Variants in PHF20 observed in about 807,000 individuals in gnomAD.
The protein encoded by PHF20 is glioma-expressed antigen 2.
A neutral mutation model predicts 113.5 loss-of-function variants in PHF20; 23 were observed. The ratio of observed to expected loss-of-function variants is 0.20; its 90% CI spans 0.15 to 0.29. The LOEUF (loss-of-function observed/expected upper bound fraction) is 0.29. PHF20 is among the 10% of genes least tolerant of loss of function. The pLI, the probability that PHF20 is intolerant of heterozygous loss-of-function variation, is 1.00. For missense variants in PHF20, 943 were observed against 1,219.6 expected, an observed-to-expected ratio of 0.77 and a Z score of 3.38; for synonymous variants, 434 against 457.3, an observed-to-expected ratio of 0.95 and a Z score of 0.65.
chr20:35,803,891 A>G (rs183880642), intron 2 of PHF20, among the ~76,000 whole-genome samples: 9 of 150,750 alleles, frequency 6.0e-5, no homozygotes, highest in African/African-American at 1.7e-4. Flanking sequence ...GTCTTACTCT[A>G]TTGCTCAGGC....
rs566757510 is a variant in PHF20 at position 35,824,150 on chromosome 20, CAG to C, written c.84-18420_84-18419del. Among the ~76,000 whole-genome samples, 5 of 152,232 alleles carry C rather than the reference CAG, an allele frequency of 3.3e-5. No individual in the cohort carries two copies. In the South Asian group the frequency reaches 1.0e-3, roughly 32 times the overall value. On this transcript the variant is annotated intron_variant, in intron 2 of 17. Coordinates refer to ENST00000374012, the MANE Select transcript of PHF20 (RefSeq NM_016436.5). The stretch of plus-strand genomic sequence containing the variant: ...CAGGTGAGAAACCGCCAAACTTTTT[CAG>C]AGTCTCTGTACCATTTTGCATTTCC...
chr20:35,815,675 C>T (rs1285484509), intron 2 of PHF20, among the ~76,000 whole-genome samples: 3 of 151,880 alleles, frequency 2.0e-5, no homozygotes, highest in Non-Finnish European at 2.9e-5. Flanking sequence ...CTGTGTTAGC[C>T]AGGATGGTCT....
chr20:35,788,062 G>A lies in PHF20; in HGVS notation c.-32-13429G>A, dbSNP rs371038499. ...CAAAGTGCTGGGATTACAGGTGTGAGCTACCTAGCGCAGCTCTATATTTTT... is the reference window on the plus strand; with the variant it reads ...CAAAGTGCTGGGATTACAGGTGTGAACTACCTAGCGCAGCTCTATATTTTT... On this transcript the variant is annotated intron_variant, in intron 1 of 17. Coordinates refer to ENST00000374012, the MANE Select transcript of PHF20 (RefSeq NM_016436.5). 1.7e-4 allele frequency among the ~76,000 whole-genome samples: 26 copies of A among 152,216 alleles called. No homozygotes were observed. The East Asian group carries it at 4.1e-3, about 24-fold the overall frequency.
intron 9 of PHF20, among the ~76,000 whole-genome samples, chr20:35,879,390 GTTATA>G (rs1417818480): frequency 6.6e-6 from 1 of 152,106 alleles, no homozygotes; most frequent in Non-Finnish European, 1.5e-5. Flanking sequence ...TTTTGCTGTT[GTTATA>G]TTAGAATAAT....
At chr20:35,807,004 C>T (rs1442413190) in intron 2 of PHF20, among the ~76,000 whole-genome samples, 1 of 151,836 alleles carries the variant, frequency 6.6e-6, no homozygotes, top group African/African-American at 2.4e-5. Flanking sequence ...ACTGTGTTAG[C>T]CAGGATGGTC....
At chr20:35,911,563 G>A (rs966788664) in intron 10 of PHF20, among the ~76,000 whole-genome samples, 5 of 151,352 alleles carry the variant, frequency 3.3e-5, no homozygotes, top group East Asian at 2.0e-4. Context: ...ATATATGTAC[G>A]TATAAACTCT....
At chr20:35,869,603 A>T in intron 7 of PHF20, 52 bp downstream of exon 7, 2 of 923,668 alleles carry the variant, frequency 2.2e-6, no homozygotes, top group Non-Finnish European at 3.6e-6. Flanking sequence ...TGTTTGGGTC[A>T]ACTTCCTCTA....
chr20:35,882,295 A>G (rs763788856), intron 9 of PHF20, among the ~76,000 whole-genome samples: 13 of 152,166 alleles, frequency 8.5e-5, no homozygotes, highest in Non-Finnish European at 1.2e-4. Flanking sequence ...GTTACATGGT[A>G]TATGTATTGT....
chr20:35,863,268 G>A lies in PHF20; in HGVS notation c.676G>A (p.Glu226Lys), dbSNP rs185182541. 7 of 1,614,134 alleles carry A rather than the reference G, an allele frequency of 4.3e-6. No individual in the cohort carries two copies. Among genetic ancestry groups the A allele is most frequent in the East Asian group, 4.5e-5 (2 of 44,870 alleles). Residue 226 changes from glutamate to lysine, a missense_variant, in exon 6 of 18, where the codon GAA becomes AAA. By Grantham distance (56) the Glu-to-Lys change is moderately conservative. Around this residue, in one of 3 missense-constraint regions of PHF20, gnomAD observed 592 missense variants for 787.2 expected, o/e 0.75. Coordinates refer to ENST00000374012, the MANE Select transcript of PHF20 (RefSeq NM_016436.5). ...NEKEDKENIS[E>K]NDREYSGDAQ... ...GAAGGAAGACAAGGAAAACATTTCC[G>A]AAAATGACAGAGAGTATTCTGGAGA...
At chr20:35,869,084 C>T (rs981203125) in intron 6 of PHF20, among the ~76,000 whole-genome samples, 4 of 151,494 alleles carry the variant, frequency 2.6e-5, no homozygotes, top group African/African-American at 4.9e-5. Context: ...GAGCGAGACT[C>T]CATCTCAAAA....
At chr20:35,783,688 A>G (rs1054285468) in intron 1 of PHF20, among the ~76,000 whole-genome samples, 1 of 151,714 alleles carries the variant, frequency 6.6e-6, no homozygotes, top group African/African-American at 2.4e-5. Flanking sequence ...GGCCTTCCAA[A>G]GTACTGGGAT....
chr20:35,861,301 A>G lies in PHF20; in HGVS notation c.421-1712A>G, dbSNP rs189839236. On this transcript the variant is annotated intron_variant, in intron 5 of 17. Coordinates refer to ENST00000374012, the MANE Select transcript of PHF20 (RefSeq NM_016436.5). Reference sequence around the variant, plus strand: ...CAAAGAAAATAAAAACTATAATTCCATCAAACAGATATCATTGTTCTTAAC... The same window carrying G: ...CAAAGAAAATAAAAACTATAATTCCGTCAAACAGATATCATTGTTCTTAAC... Among the ~76,000 whole-genome samples the G allele has an allele frequency of 3.6e-3, 548 of 152,320 alleles. 12 individuals are homozygous for G. Among genetic ancestry groups the G allele is most frequent in the Non-Finnish European group, 6.0e-4 (41 of 68,022 alleles).
intron 17 of PHF20, among the ~76,000 whole-genome samples, chr20:35,946,629 T>G (rs2147140676): frequency 6.6e-6 from 1 of 151,290 alleles, no homozygotes; most frequent in South Asian, 2.1e-4. Context: ...TCTCTGATTT[T>G]CAACATGGGA....
At chr20:35,779,989 C>CA (rs1342001654) in intron 1 of PHF20, among the ~76,000 whole-genome samples, 1 of 152,160 alleles carries the variant, frequency 6.6e-6, no homozygotes, top group Non-Finnish European at 1.5e-5. Context: ...CCTGTCCTAA[C>CA]AGAGGAGGAA....
At chr20:35,881,048 C>CATTTTTT (rs2054620632) in intron 9 of PHF20, among the ~76,000 whole-genome samples, 1 of 109,748 alleles carries the variant, frequency 9.1e-6, no homozygotes, top group Non-Finnish European at 1.8e-5. Context: ...CTCTAAATAC[C>CATTTTTT]TTTTTTTTTT....
chr20:35,885,930 G>A (rs886909290), intron 9 of PHF20, among the ~76,000 whole-genome samples: 1 of 151,920 alleles, frequency 6.6e-6, no homozygotes, highest in Non-Finnish European at 1.5e-5. Flanking sequence ...CTGCCAAATG[G>A]TGATATCTAA....
intron 10 of PHF20, among the ~76,000 whole-genome samples, chr20:35,908,113 A>C (rs2055233092): frequency 6.6e-6 from 1 of 152,198 alleles, no homozygotes; most frequent in Non-Finnish European, 1.5e-5. Context: ...CCATACTCTC[A>C]CTTTGAGGCT....
At chr20:35,811,237 G>C (rs2041972048) in intron 2 of PHF20, among the ~76,000 whole-genome samples, 1 of 151,856 alleles carries the variant, frequency 6.6e-6, no homozygotes, top group Non-Finnish European at 1.5e-5. Context: ...AGTAGACATG[G>C]GGTTTCACTA....
chr20:35,918,357 T>G (rs1166751777), intron 13 of PHF20, among the ~76,000 whole-genome samples: 1 of 152,166 alleles, frequency 6.6e-6, no homozygotes, highest in East Asian at 1.9e-4. Context: ...GGTTAGGATT[T>G]TTTTTTAGGG....
Sources: allele counts gnomAD v4.1 joint callset (sites outside exome capture counted in the v4.1 genomes callset), GRCh38; gene constraint gnomAD v4.1.1; regional missense constraint gnomAD v4.1.1; transcripts MANE v1.5; gene names NCBI Gene and HGNC (gene_info 2026-07-23, HGNC 2026-07-21).